The following BTBD9 variants were observed in gnomAD, a reference collection of about 807,000 sequenced individuals.
The protein encoded by BTBD9 is BTB domain containing 9, also known as BTB/POZ domain-containing protein 9.
A neutral mutation model predicts 64.3 loss-of-function variants in BTBD9; 49 were observed. The observed-to-expected ratio is 0.76, with a 90% CI of 0.61 to 0.97. The LOEUF (loss-of-function observed/expected upper bound fraction) is 0.97. Ranked by LOEUF, BTBD9 falls within the 50% of genes least tolerant of loss-of-function variation. BTBD9 has a pLI of 0.00. For synonymous variants in BTBD9, 260 were observed against 274.7 expected (o/e 0.95, Z 0.53); for missense variants, 598 against 762.1 (o/e 0.78, Z 2.53).
chr6:38,323,617 C>A (rs540740557), intron 7 of BTBD9, among the ~76,000 whole-genome samples: 1 of 152,178 alleles, frequency 6.6e-6, no homozygotes, highest in Non-Finnish European at 1.5e-5. Flanking sequence ...CTTCTGTTTA[C>A]AGTCGTCAAT....
At chr6:38,536,393 C>A (rs1350089285) in intron 6 of BTBD9, among the ~76,000 whole-genome samples, 1 of 152,088 alleles carries the variant, frequency 6.6e-6, no homozygotes, top group African/African-American at 2.4e-5. Flanking sequence ...TACATTAGTA[C>A]AAACCATTAT....
At chr6:38,271,161 A>G (rs185759180) in intron 8 of BTBD9, among the ~76,000 whole-genome samples, 3 of 152,186 alleles carry the variant, frequency 2.0e-5, no homozygotes, top group African/African-American at 7.2e-5. Context: ...TTTACAAACA[A>G]CATCTTGGCA....
At chr6:38,322,597 G>A (rs536343616) in intron 7 of BTBD9, among the ~76,000 whole-genome samples, 1 of 152,276 alleles carries the variant, frequency 6.6e-6, no homozygotes, top group South Asian at 2.1e-4. Context: ...GGTACAGTGA[G>A]GAATAATTAG....
rs1424291071 is a variant in BTBD9, at chr6:38,173,068, T to C, written c.*1917A>G. 1 of 152,298 alleles carries C rather than the reference T, an allele frequency of 6.6e-6. No homozygotes were observed. The highest frequency in any genetic ancestry group is 1.5e-5 in the Non-Finnish European group (1 of 68,080). The allele number at this position is 152,298 out of a possible 1,614,324, so 9.4% of individuals were successfully genotyped here. A position where few individuals can be genotyped will look rare whatever the true frequency, so the allele number is the denominator to read the frequency against. On this transcript the variant is annotated 3_prime_UTR_variant, in exon 11 of 11. Coordinates refer to ENST00000481247, the MANE Select transcript of BTBD9 (RefSeq NM_001099272.2). ...GTTTAAAAAGAAGCATGTGAATGGCTCATTTCAAAATGTTTGAACTCTGCC... is the reference window on the plus strand; with the variant it reads ...GTTTAAAAAGAAGCATGTGAATGGCCCATTTCAAAATGTTTGAACTCTGCC...
At chr6:38,475,084 A>G (rs1360910180) in intron 6 of BTBD9, among the ~76,000 whole-genome samples, 1 of 152,184 alleles carries the variant, frequency 6.6e-6, no homozygotes, top group African/African-American at 2.4e-5. Flanking sequence ...TGTAGGGAAA[A>G]GTAAAACAAT....
At chr6:38,303,849 A>ATGC (rs1762503552) in intron 7 of BTBD9, among the ~76,000 whole-genome samples, 1 of 100,688 alleles carries the variant, frequency 9.9e-6, no homozygotes, top group Non-Finnish European at 1.9e-5. Context: ...AGATATATAT[A>ATGC]TATATATATA....
chr6:38,370,304 G>A (rs1275478677), intron 6 of BTBD9, among the ~76,000 whole-genome samples: 1 of 152,116 alleles, frequency 6.6e-6, no homozygotes, highest in Non-Finnish European at 1.5e-5. Flanking sequence ...AGTCATAAAT[G>A]TACCTCATTT....
intron 6 of BTBD9, among the ~76,000 whole-genome samples, chr6:38,419,538 A>G (rs866674950): frequency 2.0e-5 from 3 of 152,226 alleles, no homozygotes; most frequent in Non-Finnish European, 2.9e-5. Flanking sequence ...AAAAGAAGGG[A>G]AAATGCTAAT....
chr6:38,548,604 T>C (rs1240455291), intron 6 of BTBD9, among the ~76,000 whole-genome samples: 10 of 152,038 alleles, frequency 6.6e-5, no homozygotes, highest in Admixed American at 6.6e-4. Context: ...CTATTTTTTT[T>C]CCCAACTCAC....
chr6:38,381,311 T>C (rs1190453809), intron 6 of BTBD9, among the ~76,000 whole-genome samples: 1 of 151,426 alleles, frequency 6.6e-6, no homozygotes, highest in African/African-American at 2.4e-5. Context: ...GATGCAAAAG[T>C]TACAATAATG....
chr6:38,547,289 G>A (rs1399637901), intron 6 of BTBD9, among the ~76,000 whole-genome samples: 2 of 152,178 alleles, frequency 1.3e-5, no homozygotes, highest in African/African-American at 4.8e-5. Flanking sequence ...AATTAGCTGG[G>A]CGTGGTGGCA....
intron 6 of BTBD9, among the ~76,000 whole-genome samples, chr6:38,445,643 G>A (rs923284852): frequency 6.6e-6 from 1 of 152,198 alleles, no homozygotes; most frequent in African/African-American, 2.4e-5. Context: ...TATTCTTTTT[G>A]GGTTATCTGT....
intron 9 of BTBD9, among the ~76,000 whole-genome samples, chr6:38,203,343 G>T (rs1382043576): frequency 1.3e-5 from 2 of 152,022 alleles, no homozygotes; most frequent in Non-Finnish European, 2.9e-5. Flanking sequence ...ATAGGAAATG[G>T]ATAAATTTCT....
intron 10 of BTBD9, among the ~76,000 whole-genome samples, chr6:38,176,203 G>A (rs1176201685): frequency 6.6e-6 from 1 of 152,242 alleles, no homozygotes; most frequent in Non-Finnish European, 1.5e-5. Context: ...GCACGAGCAT[G>A]TGTGCACATA....
chr6:38,267,380 TG>T (rs1338288400), intron 8 of BTBD9, among the ~76,000 whole-genome samples: 2 of 152,218 alleles, frequency 1.3e-5, no homozygotes. Context: ...TAAGAATTCT[TG>T]GATTTTTACT....
intron 6 of BTBD9, among the ~76,000 whole-genome samples, chr6:38,456,760 C>G (rs1030161098): frequency 3.3e-5 from 5 of 151,914 alleles, no homozygotes; most frequent in Non-Finnish European, 7.4e-5. Flanking sequence ...GGGTATAAAC[C>G]CTGCGTCAAA....
Position 38,171,052 on chromosome 6 carries a change from T to C in BTBD9, c.*3933A>G, listed in dbSNP as rs1766736346. On this transcript the variant is annotated 3_prime_UTR_variant, in exon 11 of 11. Coordinates refer to ENST00000481247, the MANE Select transcript of BTBD9 (RefSeq NM_001099272.2). ...TCCCTGTCCAAAGGGAGGTTCTTAA[T>C]TGAAGTCTGTGAGGGGAGCGCTCCA... 1 of 152,252 alleles carries C rather than the reference T, an allele frequency of 6.6e-6. No homozygotes were observed. Among genetic ancestry groups the C allele is most frequent in the South Asian group, 2.1e-4 (1 of 4,836 alleles). 9.4% of individuals were successfully genotyped at this position (152,252 alleles called of 1,614,324 possible).
intron 6 of BTBD9, among the ~76,000 whole-genome samples, chr6:38,439,110 CTTTTTTTTTT>C (rs35699356): frequency 2.2e-3 from 139 of 64,058 alleles, no homozygotes; most frequent in African/African-American, 9.1e-3. Flanking sequence ...TAGCAACTGA[CTTTTTTTTTT>C]TTTTTTTTTT....
rs138395215 is a variant in BTBD9 at position 38,452,017 on chromosome 6, G to A, written c.1155-106924C>T. Among the ~76,000 whole-genome samples the A allele has an allele frequency of 1.6e-4, 25 of 152,020 alleles. 1 individual carries two copies. In the East Asian group the frequency reaches 4.1e-3, roughly 25 times the overall value. On this transcript the variant is annotated intron_variant, in intron 6 of 10. Coordinates refer to ENST00000481247, the MANE Select transcript of BTBD9 (RefSeq NM_001099272.2). ...ATGTAGAAGAGCTCTTTTACCTAAC[G>A]CTTTTAATTGGAACTATTCTACCTG...
Sources: gnomAD v4.1 joint callset for allele counts (sites outside exome capture counted in the v4.1 genomes callset) on GRCh38, gnomAD v4.1.1 for gene constraint, MANE v1.5 for transcripts, NCBI Gene and HGNC (gene_info 2026-07-23, HGNC 2026-07-21) for gene names.